Variants in CUL9 observed in about 807,000 individuals in gnomAD.
The protein encoded by CUL9 is cullin-9.
CUL9 carries 79 observed loss-of-function variants against 272.6 expected under a neutral mutation model. The observed-to-expected ratio is 0.29, with a 90% CI of 0.24 to 0.35. The LOEUF is 0.35. Among genes scored for constraint, CUL9 ranks in the 10% least tolerant of loss-of-function variants. The pLI is 1.00. For synonymous variants in CUL9, 1,186 were observed against 1,286.5 expected (o/e 0.92, Z 1.67); for missense variants, 2,532 against 3,255.6 (o/e 0.78, Z 5.41).
intron 31 of CUL9, among the ~76,000 whole-genome samples, chr6:43,217,632 T>C (rs1776034420): frequency 6.6e-6 from 1 of 152,210 alleles, no homozygotes; most frequent in Non-Finnish European, 1.5e-5. Context: ...TGCATGTGCT[T>C]GTGTGCACGT....
Position 43,186,304 on chromosome 6 carries a change from C to G in CUL9, c.1100C>G (p.Ser367Cys), listed in dbSNP as rs771179035. The G allele has an allele frequency of 2.5e-6, 4 of 1,614,116 alleles. No homozygotes were observed. The African/African-American group carries it at 5.3e-5, about 22-fold the overall frequency. The change falls in exon 4 of 41, where the codon TCT (serine) becomes TGT (cysteine). Residue 367 changes from serine to cysteine, a missense_variant. Coordinates refer to ENST00000252050, the MANE Select transcript of CUL9 (RefSeq NM_015089.4). ...CAAGGGTGGGTCTTCCGCCAGCGCT[C>G]TGAATTCTCCAGCCGTAGTGGCTAT... ...RRQGWVFRQR[S>C]EFSSRSGYGE...
At position 43,186,428 on chromosome 6, in the gene CUL9, G is replaced by A. The variant is rs145863171; in HGVS notation, c.1224G>A (p.Gln408=). The A allele has an allele frequency of 4.4e-6, 7 of 1,599,198 alleles. No individual in the cohort carries two copies. The highest frequency in any genetic ancestry group is 6.0e-6 in the Non-Finnish European group (7 of 1,168,906). Residue 408 remains glutamine (Q), a synonymous_variant, in exon 4 of 41, where the codon CAG becomes CAA. Coordinates refer to ENST00000252050, the MANE Select transcript of CUL9 (RefSeq NM_015089.4). ...CTGGGGACGAGGGCGAGTTCCGGCAGAGCAACAACGGCATTCCCCCTGTGC... is the reference window on the plus strand; with the variant it reads ...CTGGGGACGAGGGCGAGTTCCGGCAAAGCAACAACGGCATTCCCCCTGTGC... The part of the protein sequence containing the change: ...ISAGDEGEFR[Q]SNNGIPPVQV...
intron 26 of CUL9, among the ~76,000 whole-genome samples, chr6:43,211,529 G>C (rs1292486082): frequency 1.3e-5 from 2 of 152,172 alleles, no homozygotes; most frequent in African/African-American, 2.4e-5. Flanking sequence ...CTGCACTCCA[G>C]CCTGGGGGAC....
rs1335614215 is a variant in CUL9, at chr6:43,223,483, G to A, written c.7284+86G>A. ...CCCAGCACAGCCCCTGCCCTGGGGC[G>A]AGTCCAGAAGGAAAGGCAGCAAAGC... On this transcript the variant is annotated intron_variant, in intron 39 of 40. Transcript: ENST00000252050. The surrounding 1 kb of genome is among the most constrained non-coding windows in gnomAD (Gnocchi z 4.1). 11 of 1,469,636 alleles carry A rather than the reference G, an allele frequency of 7.5e-6. No homozygotes were observed. The highest frequency in any genetic ancestry group is 2.5e-5 in the East Asian group (1 of 40,436). The allele number at this position is 1,469,636 out of a possible 1,614,324, so 91.0% of individuals were successfully genotyped here. A position where few individuals can be genotyped will look rare whatever the true frequency, so the allele number is the denominator to read the frequency against.
chr6:43,200,536 C>T lies in CUL9; in HGVS notation c.3475+10C>T, dbSNP rs778699654. ...AGGCATCTCTGCCAGGGTTAGTGCCCTCATCTGCTTTCTCCTGGCTCCCAT... is the reference window on the plus strand; with the variant it reads ...AGGCATCTCTGCCAGGGTTAGTGCCTTCATCTGCTTTCTCCTGGCTCCCAT... On this transcript the variant is annotated intron_variant, in intron 15 of 40. Coordinates refer to ENST00000252050, the MANE Select transcript of CUL9 (RefSeq NM_015089.4). The surrounding 1 kb of genome is among the most constrained non-coding windows in gnomAD (Gnocchi z 4.0). 1.9e-6 allele frequency: 3 copies of T among 1,614,182 alleles called. No individual in the cohort carries two copies. Among genetic ancestry groups the T allele is most frequent in the Non-Finnish European group, 1.7e-6 (2 of 1,180,030 alleles).
chr6:43,223,084 G>C lies in CUL9; in HGVS notation c.7151-180G>C. 1.0e-6 allele frequency: 1 copy of C among 986,492 alleles called. No individual in the cohort carries two copies. Among genetic ancestry groups the C allele is most frequent in the East Asian group, 2.6e-5 (1 of 38,004 alleles). The allele number at this position is 986,492 out of a possible 1,614,324, so 61.1% of individuals were successfully genotyped here. A position where few individuals can be genotyped will look rare whatever the true frequency, so the allele number is the denominator to read the frequency against. ...AAAGCCTACATTGTAAGGTGCCCAA[G>C]GGCGCAGATGTTCGTGGATGTTTCT... On this transcript the variant is annotated intron_variant, in intron 38 of 40. Transcript: ENST00000252050. This position sits in a 1 kb window ranked among gnomAD's most constrained non-coding sequence, Gnocchi z 4.1.
Position 43,203,269 on chromosome 6 carries a change from G to C in CUL9, c.3849+65G>C. The C allele has an allele frequency of 1.2e-6, 2 of 1,601,924 alleles. No individual in the cohort carries two copies. Among genetic ancestry groups the C allele is most frequent in the Non-Finnish European group, 1.7e-6 (2 of 1,169,282 alleles). ...TGGCACACAAGTTTCTCCTTGATCTGCTTGGGAGATGGCCCAGGACCTGTT... is the reference window on the plus strand; with the variant it reads ...TGGCACACAAGTTTCTCCTTGATCTCCTTGGGAGATGGCCCAGGACCTGTT... On this transcript the variant is annotated intron_variant, in intron 18 of 40. Transcript: ENST00000252050. This position sits in a 1 kb window ranked among gnomAD's most constrained non-coding sequence, Gnocchi z 5.0.
In CUL9 at chr6:43,213,158, A is replaced by G. The variant is rs1178317808; in HGVS notation, c.5222A>G (p.His1741Arg). The change falls in exon 27 of 41, where the codon CAT (histidine) becomes CGT (arginine). Residue 1741 changes from histidine (H) to arginine (R), a missense_variant. This residue lies in a region of CUL9 where 2,218 missense variants were observed against 2,788.6 expected (regional missense o/e 0.80). Transcript: ENST00000252050. The surrounding 1 kb of genome is among the most constrained non-coding windows in gnomAD (Gnocchi z 5.7). ...CTTGACACTTGCCTAGGTCAGAACC[A>G]TCCAGTCCTGGACATGGGACCACAT... ...FSSFYSQSQNHPVLDMGPHRR... is the reference protein window; with the variant it reads ...FSSFYSQSQNRPVLDMGPHRR... 1 of 1,614,086 alleles carries G rather than the reference A, an allele frequency of 6.2e-7. No individual in the cohort carries two copies. The highest frequency in any genetic ancestry group is 8.5e-7 in the Non-Finnish European group (1 of 1,179,994).
chr6:43,188,117 T>A lies in CUL9; in HGVS notation c.1986T>A (p.Ser662Arg). 6.2e-7 allele frequency: 1 copy of A among 1,613,140 alleles called. No homozygotes were observed. The highest frequency in any genetic ancestry group is 8.5e-7 in the Non-Finnish European group (1 of 1,179,938). The change falls in exon 7 of 41, where the codon AGT becomes AGA. Residue 662 changes from serine (S) to arginine (R), a missense_variant and splice_region_variant. This residue lies in a region of CUL9 where 2,218 missense variants were observed against 2,788.6 expected (regional missense o/e 0.80). Coordinates refer to ENST00000252050, the MANE Select transcript of CUL9 (RefSeq NM_015089.4). ...TLPTEMKEAA[S>R]EMARALRGPG... ...CCACTGAGATGAAGGAGGCAGCCAG[T>A]GGTGAGTCAGGTTCTGGGAGGAAGC... is the stretch of plus-strand genomic sequence containing the variant.
Position 43,186,411 on chromosome 6 carries a change from G to A in CUL9, c.1207G>A (p.Glu403Lys). 1.9e-6 allele frequency: 3 copies of A among 1,605,868 alleles called. No individual in the cohort carries two copies. The highest frequency in any genetic ancestry group is 2.6e-6 in the Non-Finnish European group (3 of 1,173,294). ...DDYEEISAGD[E>K]GEFRQSNNGI... ...TTATGAGGAGATCAGTGCTGGGGACGAGGGCGAGTTCCGGCAGAGCAACAA... is the reference window on the plus strand; with the variant it reads ...TTATGAGGAGATCAGTGCTGGGGACAAGGGCGAGTTCCGGCAGAGCAACAA... The change falls in exon 4 of 41, where the codon GAG (glutamate) becomes AAG (lysine). Residue 403 changes from glutamate (E) to lysine (K), a missense_variant. This residue lies in a region of CUL9 where 2,218 missense variants were observed against 2,788.6 expected (regional missense o/e 0.80). Coordinates refer to ENST00000252050, the MANE Select transcript of CUL9 (RefSeq NM_015089.4).
At chr6:43,188,744 T>C in intron 8 of CUL9, 29 bp downstream of exon 8, 1 of 1,543,438 alleles carries the variant, frequency 6.5e-7, no homozygotes, top group Non-Finnish European at 8.8e-7. Flanking sequence ...GAAGAGGTTT[T>C]GGTTGAAGCT....
intron 8 of CUL9, among the ~76,000 whole-genome samples, chr6:43,192,101 A>G (rs539264478): frequency 9.9e-4 from 128 of 128,854 alleles, no homozygotes; most frequent in African/African-American, 3.9e-3. Flanking sequence ...TCACTCTGTC[A>G]GCCAGGCTGG....
chr6:43,199,415 T>C lies in CUL9; in HGVS notation c.3156+44T>C. 6.7e-7 allele frequency: 1 copy of C among 1,485,200 alleles called. No individual in the cohort carries two copies. Among genetic ancestry groups the C allele is most frequent in the Non-Finnish European group, 9.4e-7 (1 of 1,064,294 alleles). The allele number at this position is 1,485,200 out of a possible 1,614,324, so 92.0% of individuals were successfully genotyped here. On this transcript the variant is annotated intron_variant, in intron 13 of 40. Coordinates refer to ENST00000252050, the MANE Select transcript of CUL9 (RefSeq NM_015089.4). The surrounding 1 kb of genome is among the most constrained non-coding windows in gnomAD (Gnocchi z 4.4). ...GGAGAAGAGAGGGAAGGGCAGCATC[T>C]GGGGCACCAACTCCTTGTGAGGCTC...
intron 16 of CUL9, among the ~76,000 whole-genome samples, chr6:43,201,954 T>C (rs924627454): frequency 6.6e-6 from 1 of 152,174 alleles, no homozygotes; most frequent in Non-Finnish European, 1.5e-5. Flanking sequence ...GAAAGCTCAC[T>C]CTGGCAACTA....
chr6:43,208,369 C>T (rs1320444376), intron 26 of CUL9, among the ~76,000 whole-genome samples: 1 of 152,116 alleles, frequency 6.6e-6, no homozygotes, highest in Non-Finnish European at 1.5e-5. Flanking sequence ...CTATGCCTGG[C>T]TAATTTTTGT....
intron 8 of CUL9, among the ~76,000 whole-genome samples, chr6:43,192,681 G>A (rs937162771): frequency 5.3e-5 from 8 of 152,158 alleles, no homozygotes; most frequent in African/African-American, 9.7e-5. Flanking sequence ...TCTCAAAAAC[G>A]AAAAGACAAA....
Position 43,220,891 on chromosome 6 carries a change from T to C in CUL9, c.6568T>C (p.Phe2190Leu). The C allele has an allele frequency of 6.2e-7, 1 of 1,612,608 alleles. No homozygotes were observed. The highest frequency in any genetic ancestry group is 8.5e-7 in the Non-Finnish European group (1 of 1,179,428). Residue 2190 changes from phenylalanine (F) to leucine (L), a missense_variant, in exon 33 of 41, where the codon TTC becomes CTC. By Grantham distance (22) the Phe-to-Leu change is conservative (BLOSUM62 0). Transcript: ENST00000252050. The surrounding 1 kb of genome is among the most constrained non-coding windows in gnomAD (Gnocchi z 4.9). ...CTCCAAGTGTGGCTGGGCCTCTTGC[T>C]TCAACTGTAGCTTCCCTGAGGTGGG... ...TCSKCGWASC[F>L]NCSFPEAHYP...
At chr6:43,186,873 G>C (rs2150521017) in intron 4 of CUL9, 87 bp from the exon 5 acceptor site, 3 of 1,511,088 alleles carry the variant, frequency 2.0e-6, no homozygotes, top group East Asian at 2.3e-5. Flanking sequence ...ATCTATGCTT[G>C]GGCATGTCCT....
rs1775697009 is a variant in CUL9 at position 43,213,551 on chromosome 6, G to A, written c.5472G>A (p.Gln1824=). 6.2e-7 allele frequency: 1 copy of A among 1,611,734 alleles called. No homozygotes were observed. Among genetic ancestry groups the A allele is most frequent in the South Asian group, 1.1e-5 (1 of 90,916 alleles). ...GCCCTTTGACCCTGCATGAGGGCCA[G>A]GACTTTCCACACGGGGGTAGGTCAT... ...GNGPLTLHEG[Q]DFPHGGVLRL... is the part of the protein sequence containing the mutation. Residue 1824 remains glutamine (Q), a synonymous_variant, in exon 28 of 41, where the codon CAG becomes CAA. Transcript: ENST00000252050. The surrounding 1 kb of genome is among the most constrained non-coding windows in gnomAD (Gnocchi z 5.7).
Sources: allele counts gnomAD v4.1 joint callset (sites outside exome capture counted in the v4.1 genomes callset), GRCh38; gene constraint gnomAD v4.1.1; regional missense constraint gnomAD v4.1.1; non-coding constraint Gnocchi (gnomAD v3.1); transcripts MANE v1.5; gene names NCBI Gene and HGNC (gene_info 2026-07-23, HGNC 2026-07-21).